SPDYE21: variants seen among roughly 807,000 people sequenced by gnomAD.
SPDYE21 encodes the protein speedy protein E21.
A neutral mutation model predicts 36.2 loss-of-function variants in SPDYE21; 14 were observed. That is an observed-to-expected ratio of 0.39 (90% CI 0.26 to 0.61). The LOEUF is 0.61. Ranked by LOEUF, SPDYE21 falls within the 20% of genes least tolerant of loss-of-function variation. The pLI is 0.55. For synonymous variants in SPDYE21, 58 were observed against 155.1 expected (o/e 0.37, Z 4.65); for missense variants, 233 against 424.6 (o/e 0.55, Z 3.97).
chr7:67,283,363 C>G (rs1297181175), intron 5 of SPDYE21, among the ~76,000 whole-genome samples: 1 of 152,182 alleles, frequency 6.6e-6, no homozygotes, highest in Non-Finnish European at 1.5e-5. Flanking sequence ...AACTGTTGGG[C>G]TCACGTGATC....
chr7:67,280,186 C>A, intron 3 of SPDYE21, 150 bp downstream of exon 3: 1 of 1,485,968 alleles, frequency 6.7e-7, no homozygotes. Flanking sequence ...TCATGAGGGA[C>A]ACTTAGGAGA....
At chr7:67,284,044 G>A in intron 6 of SPDYE21, 46 bp downstream of exon 6, 1 of 644,458 alleles carries the variant, frequency 1.6e-6, no homozygotes, top group Non-Finnish European at 2.8e-6. Flanking sequence ...AATGCCCTGG[G>A]ACAGCGGGGG....
At chr7:67,287,199 C>A (rs925812978) in intron 8 of SPDYE21, among the ~76,000 whole-genome samples, 1 of 152,172 alleles carries the variant, frequency 6.6e-6, no homozygotes, top group Non-Finnish European at 1.5e-5. Context: ...ACACAAAAGG[C>A]CCCAGCTGTG....
At chr7:67,281,973 A>G (rs936423657) in intron 4 of SPDYE21, among the ~76,000 whole-genome samples, 2 of 151,970 alleles carry the variant, frequency 1.3e-5, no homozygotes, top group Non-Finnish European at 2.9e-5. Context: ...CCCTGTCTCA[A>G]AAGAAAAACC....
chr7:67,278,431 G>C lies in SPDYE21; in HGVS notation c.-283G>C, dbSNP rs367936682. The stretch of plus-strand genomic sequence containing the variant: ...TGAAGATGCTTTTGGACAATGGTCT[G>C]AGGTTGGGACAGTGGCAGGAGATAC... On this transcript the variant is annotated 5_prime_UTR_variant, in exon 2 of 9. The change abolishes the stop of an existing upstream ORF in the 5' untranslated region. Coordinates refer to ENST00000424157, the MANE Select transcript of SPDYE21 (RefSeq NM_001382715.2). 4.5e-3 allele frequency among the ~76,000 whole-genome samples: 419 copies of C among 92,434 alleles called. No individual in the cohort carries two copies. The highest frequency in any genetic ancestry group is 9.8e-3 in the East Asian group (32 of 3,280). The allele number at this position is 92,434 out of a possible 152,430, so 60.6% of individuals were successfully genotyped here.
chr7:67,280,011 C>A lies in SPDYE21; in HGVS notation c.354C>A (p.His118Gln). ...QQRVSPILPE[H>Q]HKDFNSQLAP... ...GAGTGTCACCCATCCTCCCTGAGCA[C>A]CACAAGGACTTCAACAGTCAGCTTG... Residue 118 changes from histidine to glutamine, a missense_variant, in exon 3 of 9, where the codon CAC becomes CAA. Coordinates refer to ENST00000424157, the MANE Select transcript of SPDYE21 (RefSeq NM_001382715.2). 6.3e-7 allele frequency: 1 copy of A among 1,585,798 alleles called. No homozygotes were observed. The highest frequency in any genetic ancestry group is 8.5e-7 in the Non-Finnish European group (1 of 1,174,900).
In SPDYE21 at chr7:67,282,513, T is replaced by A; in HGVS notation, c.611-122T>A. The A allele has an allele frequency of 1.1e-5, 11 of 1,030,278 alleles. No individual in the cohort carries two copies. The Admixed American group carries it at 1.9e-4, about 18-fold the overall frequency. 63.8% of individuals were successfully genotyped at this position (1,030,278 alleles called of 1,614,324 possible). On this transcript the variant is annotated intron_variant, in intron 4 of 8. Transcript: ENST00000424157. ...GTGAAAGTCATTCTCCCCTCTCCCATCCACCTCACCCGCGGCCACAATCCT... is the reference window on the plus strand; with the variant it reads ...GTGAAAGTCATTCTCCCCTCTCCCAACCACCTCACCCGCGGCCACAATCCT...
chr7:67,283,767 G>C, intron 5 of SPDYE21, 146 bp from the exon 6 acceptor site: 1 of 723,194 alleles, frequency 1.4e-6, no homozygotes, highest in Non-Finnish European at 2.4e-6. Context: ...CCTCCATCCC[G>C]CAATTTCCAA....
intron 4 of SPDYE21, among the ~76,000 whole-genome samples, 191 bp from the exon 5 acceptor site, chr7:67,282,444 C>G (rs1184189377): frequency 6.6e-6 from 1 of 150,890 alleles, no homozygotes; most frequent in African/African-American, 2.4e-5. Flanking sequence ...CCTTCGGCCT[C>G]TTCTCAGGGG....
At position 67,286,677 on chromosome 7, in the gene SPDYE21, C is replaced by A. The variant is rs1223761318; in HGVS notation, c.*45+13C>A. Among the ~76,000 whole-genome samples the A allele has an allele frequency of 6.6e-6, 1 of 152,032 alleles. No individual in the cohort carries two copies. Among genetic ancestry groups the A allele is most frequent in the Non-Finnish European group, 1.5e-5 (1 of 68,014 alleles). On this transcript the variant is annotated intron_variant, in intron 8 of 8. Transcript: ENST00000424157. ...GGCCTGAGAGAAGGTACATCTGCAT[C>A]CTCCGGGGTAAAGGCAGAATATTGG...
At chr7:67,280,259 C>G (rs1333652863) in intron 3 of SPDYE21, among the ~76,000 whole-genome samples, 5 of 151,892 alleles carry the variant, frequency 3.3e-5, no homozygotes, top group Non-Finnish European at 4.4e-5. Flanking sequence ...CTTGGTTTCG[C>G]ACCAGGTGCA....
chr7:67,282,510 C>T (rs369814019), intron 4 of SPDYE21, 125 bp from the exon 5 acceptor site: 102 of 927,038 alleles, frequency 1.1e-4, no homozygotes, highest in Non-Finnish European at 1.4e-4. Flanking sequence ...CTCCCCTCTC[C>T]CATCCACCTC....
chr7:67,282,909 C>T (rs1302605893), intron 5 of SPDYE21, among the ~76,000 whole-genome samples: 8 of 135,042 alleles, frequency 5.9e-5, no homozygotes, highest in East Asian at 4.6e-4. Context: ...CGGGTTCAAG[C>T]GATTCTCCTG....
intron 1 of SPDYE21, among the ~76,000 whole-genome samples, chr7:67,277,553 G>C (rs1289936104): frequency 6.6e-6 from 1 of 151,982 alleles, no homozygotes; most frequent in African/African-American, 2.4e-5. Context: ...CAAGTAGTTG[G>C]AACACAGGTG....
In SPDYE21 at chr7:67,282,551, C is replaced by T. The variant is rs537943201; in HGVS notation, c.611-84C>T. The T allele has an allele frequency of 8.2e-5, 131 of 1,590,628 alleles. 4 individuals carry two copies. In the South Asian group the frequency reaches 1.0e-3, roughly 12 times the overall value. On this transcript the variant is annotated intron_variant, in intron 4 of 8. Coordinates refer to ENST00000424157, the MANE Select transcript of SPDYE21 (RefSeq NM_001382715.2). ...CGGCCACAATCCTGAGACTTCCCCC[C>T]GGGAGGCACACTTCTCGCTGCCCTG...
chr7:67,283,976 C>A lies in SPDYE21; in HGVS notation c.733C>A (p.Arg245Ser), dbSNP rs1005079182. The A allele has an allele frequency of 1.3e-6, 2 of 1,599,276 alleles. No homozygotes were observed. Among genetic ancestry groups the A allele is most frequent in the South Asian group, 2.2e-5 (2 of 90,696 alleles). The change falls in exon 6 of 9, where the codon CGC becomes AGC. Residue 245 changes from arginine to serine, a missense_variant. By Grantham distance (110) the Arg-to-Ser change is moderately radical. Around this residue, in one of 4 missense-constraint regions of SPDYE21, gnomAD observed 24 missense variants for 59.2 expected, o/e 0.41. Transcript: ENST00000424157. The part of the protein sequence containing the change: ...RAGLPSWQYQ[R>S]IHFFLALYLA... ...CGGCCTCCCCTCCTGGCAATACCAA[C>A]GCATTCATTTCTTCCTGGCTCTGTG... is the stretch of plus-strand genomic sequence containing the variant.
intron 4 of SPDYE21, among the ~76,000 whole-genome samples, chr7:67,282,026 G>A (rs1440726240): frequency 1.8e-4 from 28 of 152,084 alleles, no homozygotes; most frequent in African/African-American, 5.8e-4. Flanking sequence ...CCAGCTACTC[G>A]GGAGGCTGAG....
At chr7:67,280,795 T>G (rs1584747186) in intron 3 of SPDYE21, among the ~76,000 whole-genome samples, 1 of 117,504 alleles carries the variant, frequency 8.5e-6, no homozygotes, top group Non-Finnish European at 1.7e-5. Flanking sequence ...AGAATGGAGG[T>G]ACTGAGGCAG....
chr7:67,282,738 T>C (rs1352445659), intron 5 of SPDYE21, 45 bp downstream of exon 5: 5 of 1,053,006 alleles, frequency 4.7e-6, no homozygotes, highest in Non-Finnish European at 6.5e-6. Flanking sequence ...AACACATGGC[T>C]GGGGGGAGGG....
Sources: gnomAD v4.1 joint callset for allele counts (sites outside exome capture counted in the v4.1 genomes callset) on GRCh38, gnomAD v4.1.1 for gene constraint, gnomAD v4.1.1 regional missense constraint, MANE v1.5 for transcripts, NCBI Gene and HGNC (gene_info 2026-07-23, HGNC 2026-07-21) for gene names.